Variants in DNER observed in about 807,000 individuals in gnomAD.
DNER encodes the protein delta/notch like EGF repeat containing, also known as delta and Notch-like epidermal growth factor-related receptor.
A neutral mutation model predicts 78.2 loss-of-function variants in DNER; 33 were observed. The ratio of observed to expected loss-of-function variants is 0.42; its 90% CI spans 0.32 to 0.56. The LOEUF (loss-of-function observed/expected upper bound fraction) is 0.56, where lower values mean the gene tolerates loss of function less well. DNER is among the 20% of genes least tolerant of loss of function. DNER has a pLI of 0.11. For missense variants in DNER, 918 were observed against 975.3 expected, an observed-to-expected ratio of 0.94 and a Z score of 0.78; for synonymous variants, 417 against 384.8, an observed-to-expected ratio of 1.08 and a Z score of -0.98.
chr2:229,640,830 C>A (rs1481786298), intron 1 of DNER, among the ~76,000 whole-genome samples: 1 of 152,142 alleles, frequency 6.6e-6, no homozygotes, highest in Non-Finnish European at 1.5e-5. Context: ...TCTGGCAGAA[C>A]TCCAGGGTTT....
chr2:229,539,866 C>A (rs1696478698), intron 5 of DNER, among the ~76,000 whole-genome samples: 1 of 152,186 alleles, frequency 6.6e-6, no homozygotes. Context: ...CAGCACACAA[C>A]ACACTGCTCT....
rs757084276 is a variant in DNER, at chr2:229,633,345, C to A, written c.277-41457G>T. Among the ~76,000 whole-genome samples, 51 of 152,120 alleles carry A rather than the reference C, an allele frequency of 3.4e-4. 1 individual carries two copies. The highest frequency in any genetic ancestry group is 2.4e-4 in the Non-Finnish European group (16 of 68,016). ...TAAAATCATTCACCTATCACACTTA[C>A]AACTTTGTTAAATATTTTGAATATC... On this transcript the variant is annotated intron_variant, in intron 1 of 12. Transcript: ENST00000341772.
intron 5 of DNER, among the ~76,000 whole-genome samples, chr2:229,517,685 G>A (rs1696008188): frequency 6.6e-6 from 1 of 152,148 alleles, no homozygotes; most frequent in East Asian, 1.9e-4. Context: ...TTTCATGTAG[G>A]GACCATATTA....
chr2:229,413,444 C>T lies in DNER; in HGVS notation c.1609+4664G>A, dbSNP rs943663447. ...TTCAAGTGATTCTCCTGCCTCAGCCCCCTGAGTAGCTGGGACTACAGGCAT... is the reference window on the plus strand; with the variant it reads ...TTCAAGTGATTCTCCTGCCTCAGCCTCCTGAGTAGCTGGGACTACAGGCAT... On this transcript the variant is annotated intron_variant, in intron 9 of 12. Transcript: ENST00000341772. 4.0e-5 allele frequency among the ~76,000 whole-genome samples: 6 copies of T among 150,220 alleles called. No homozygotes were observed. In the East Asian group the frequency reaches 1.2e-3, roughly 29 times the overall value.
intron 10 of DNER, among the ~76,000 whole-genome samples, chr2:229,391,608 C>G (rs904654278): frequency 1.3e-5 from 2 of 152,150 alleles, no homozygotes; most frequent in Admixed American, 1.3e-4. Context: ...GTGGCACAAT[C>G]TCGGCTCACT....
intron 8 of DNER, among the ~76,000 whole-genome samples, chr2:229,433,085 G>T (rs1171558337): frequency 1.3e-5 from 2 of 152,126 alleles, no homozygotes; most frequent in Non-Finnish European, 2.9e-5. Flanking sequence ...GATTACAGGT[G>T]CCTGCCACCG....
intron 1 of DNER, among the ~76,000 whole-genome samples, chr2:229,627,226 T>C (rs151258372): frequency 1.3e-5 from 2 of 152,336 alleles, no homozygotes; most frequent in African/African-American, 4.8e-5. Flanking sequence ...CTCTCAATTC[T>C]TTCCTCACAA....
At chr2:229,518,834 C>A (rs552392363) in intron 5 of DNER, among the ~76,000 whole-genome samples, 1 of 152,318 alleles carries the variant, frequency 6.6e-6, no homozygotes, top group Admixed American at 6.5e-5. Context: ...CCATATATCA[C>A]TTCGTGCACC....
intron 1 of DNER, among the ~76,000 whole-genome samples, chr2:229,621,500 C>G (rs898241252): frequency 6.6e-6 from 1 of 152,040 alleles, no homozygotes; most frequent in Non-Finnish European, 1.5e-5. Flanking sequence ...CACTTCCCAC[C>G]TGCTCCCAAC....
chr2:229,703,612 C>T (rs1236574881), intron 1 of DNER, among the ~76,000 whole-genome samples: 2 of 152,180 alleles, frequency 1.3e-5, no homozygotes, highest in Non-Finnish European at 2.9e-5. Flanking sequence ...GGCACGGTGG[C>T]TGATGCATGT....
At chr2:229,466,317 CTG>C (rs1283769145) in intron 7 of DNER, among the ~76,000 whole-genome samples, 1 of 152,172 alleles carries the variant, frequency 6.6e-6, no homozygotes, top group African/African-American at 2.4e-5. Flanking sequence ...CCTCAGATTT[CTG>C]TGTCTCCCTC....
intron 1 of DNER, among the ~76,000 whole-genome samples, chr2:229,659,204 T>G (rs1487206143): frequency 6.6e-6 from 1 of 152,148 alleles, no homozygotes; most frequent in African/African-American, 2.4e-5. Context: ...TTGGAAAACA[T>G]TAGACTTCAG....
chr2:229,623,195 C>T (rs1302912761), intron 1 of DNER, among the ~76,000 whole-genome samples: 2 of 152,168 alleles, frequency 1.3e-5, no homozygotes, highest in Non-Finnish European at 2.9e-5. Context: ...AGCTCCCCCT[C>T]GCCCTACGAC....
At chr2:229,447,657 A>G (rs1694368692) in intron 7 of DNER, 117 bp from the exon 8 acceptor site, 2 of 1,143,038 alleles carry the variant, frequency 1.7e-6, no homozygotes, top group Admixed American at 2.4e-5. Flanking sequence ...CAGCTTCCAG[A>G]TATGTCACAA....
chr2:229,600,357 C>G (rs1029126765), intron 1 of DNER, among the ~76,000 whole-genome samples: 1 of 152,270 alleles, frequency 6.6e-6, no homozygotes, highest in Admixed American at 6.5e-5. Context: ...GTTTCCCAGT[C>G]CCTGATCTAG....
At chr2:229,374,019 G>C (rs1692547151) in intron 11 of DNER, among the ~76,000 whole-genome samples, 1 of 152,070 alleles carries the variant, frequency 6.6e-6, no homozygotes, top group South Asian at 2.1e-4. Context: ...TACAAAAAAA[G>C]TAGCCAGGTG....
intron 1 of DNER, among the ~76,000 whole-genome samples, chr2:229,642,355 A>G (rs2154216052): frequency 6.6e-6 from 1 of 152,328 alleles, no homozygotes; most frequent in East Asian, 1.9e-4. Context: ...AGCCACTTTG[A>G]CAGAGTTTGT....
intron 6 of DNER, among the ~76,000 whole-genome samples, chr2:229,483,695 C>T (rs1205315514): frequency 1.3e-5 from 2 of 152,180 alleles, no homozygotes; most frequent in African/African-American, 2.4e-5. Flanking sequence ...AAAACTCACC[C>T]CTGGACCCTG....
At chr2:229,672,244 C>T (rs1699221260) in intron 1 of DNER, among the ~76,000 whole-genome samples, 1 of 152,102 alleles carries the variant, frequency 6.6e-6, no homozygotes, top group South Asian at 2.1e-4. Context: ...TCTGGGGTAG[C>T]TGAGGTAGGG....
Sources: allele counts gnomAD v4.1 joint callset (sites outside exome capture counted in the v4.1 genomes callset), GRCh38; gene constraint gnomAD v4.1.1; transcripts MANE v1.5; gene names NCBI Gene and HGNC (gene_info 2026-07-23, HGNC 2026-07-21).